The following JPH3 variants were observed in gnomAD, a reference collection of about 807,000 sequenced individuals.
The protein encoded by JPH3 is junctophilin 3.
JPH3 carries 11 observed loss-of-function variants against 59.6 expected under a neutral mutation model. The ratio of observed to expected loss-of-function variants is 0.18; its 90% CI spans 0.12 to 0.31. The LOEUF (loss-of-function observed/expected upper bound fraction) is 0.31, where lower values mean the gene tolerates loss of function less well. Ranked by LOEUF, JPH3 falls within the 10% of genes least tolerant of loss-of-function variation. JPH3 has a pLI of 1.00. For synonymous variants in JPH3, 673 were observed against 483.6 expected (o/e 1.39, Z -5.14); for missense variants, 1,202 against 1,105.7 (o/e 1.09, Z -1.24).
chr16:87,686,103 G>C (rs1213920825), intron 3 of JPH3, among the ~76,000 whole-genome samples: 1 of 152,222 alleles, frequency 6.6e-6, no homozygotes, highest in Non-Finnish European at 1.5e-5. Context: ...GAAGGAAGCA[G>C]CACTCCCGAC....
intron 1 of JPH3, among the ~76,000 whole-genome samples, chr16:87,636,433 T>C (rs2031749461): frequency 6.6e-6 from 1 of 152,134 alleles, no homozygotes; most frequent in African/African-American, 2.4e-5. Context: ...GCTCAATAGC[T>C]CCGTCACAGT....
chr16:87,698,103 T>C lies in JPH3; in HGVS notation c.*1443T>C, dbSNP rs1455025775. ...GACTTCTTTACTACACTGCACTGGATTGCTATATTTTTAACCAGAAATAAA... is the reference window on the plus strand; with the variant it reads ...GACTTCTTTACTACACTGCACTGGACTGCTATATTTTTAACCAGAAATAAA... On this transcript the variant is annotated 3_prime_UTR_variant, in exon 5 of 5. Coordinates refer to ENST00000284262, the MANE Select transcript of JPH3 (RefSeq NM_020655.4). The C allele has an allele frequency of 6.6e-6, 1 of 152,640 alleles. No individual in the cohort carries two copies. Among genetic ancestry groups the C allele is most frequent in the African/African-American group, 2.4e-5 (1 of 41,464 alleles). 9.5% of individuals were successfully genotyped at this position (152,640 alleles called of 1,614,324 possible).
At chr16:87,680,983 G>T (rs1464209979) in intron 2 of JPH3, among the ~76,000 whole-genome samples, 1 of 152,224 alleles carries the variant, frequency 6.6e-6, no homozygotes, top group African/African-American at 2.4e-5. Flanking sequence ...GTGTGGTGGG[G>T]GGCATTGTGG....
At chr16:87,628,526 G>C (rs888773565) in intron 1 of JPH3, among the ~76,000 whole-genome samples, 1 of 152,244 alleles carries the variant, frequency 6.6e-6, no homozygotes, top group Non-Finnish European at 1.5e-5. Context: ...TTCCTACAGA[G>C]TGTGGGTTTT....
At chr16:87,642,715 C>T (rs1214503712) in intron 1 of JPH3, among the ~76,000 whole-genome samples, 1 of 152,204 alleles carries the variant, frequency 6.6e-6, no homozygotes, top group African/African-American at 2.4e-5. Context: ...CCGCGTTGGG[C>T]GTCGTGCTGA....
intron 2 of JPH3, among the ~76,000 whole-genome samples, chr16:87,649,878 G>A (rs1296573785): frequency 3.3e-5 from 5 of 152,280 alleles, no homozygotes; most frequent in Admixed American, 6.5e-5. Flanking sequence ...CTGCAGCCCC[G>A]CAAAGCCTGC....
chr16:87,677,216 ACAC>A (rs2033169621), intron 2 of JPH3, among the ~76,000 whole-genome samples: 1 of 119,226 alleles, frequency 8.4e-6, no homozygotes, highest in African/African-American at 3.8e-5. Flanking sequence ...ACACACACAC[ACAC>A]ACACACAAAA....
At chr16:87,650,063 G>T (rs1490861720) in intron 2 of JPH3, among the ~76,000 whole-genome samples, 1 of 152,190 alleles carries the variant, frequency 6.6e-6, no homozygotes, top group Non-Finnish European at 1.5e-5. Context: ...AGGGGGTTTC[G>T]CTTCATTGTG....
At position 87,690,343 on chromosome 16, in the gene JPH3, C is replaced by G. The variant is rs758331700; in HGVS notation, c.1983C>G (p.Asn661Lys). 3 of 1,573,754 alleles carry G rather than the reference C, an allele frequency of 1.9e-6. No homozygotes were observed. The highest frequency in any genetic ancestry group is 2.3e-5 in the East Asian group (1 of 43,480). ...AGAGACTGCGGTCCAAGGCCCAGAA[C>G]AAGGAGAACTTCAGGCCGGCCTCCT... ...GVQRLRSKAQ[N>K]KENFRPASSA... The change falls in exon 4 of 5, where the codon AAC becomes AAG. Residue 661 changes from asparagine (N) to lysine (K), a missense_variant. Transcript: ENST00000284262.
chr16:87,692,837 G>C (rs2033635781), intron 4 of JPH3, among the ~76,000 whole-genome samples: 1 of 152,234 alleles, frequency 6.6e-6, no homozygotes, highest in Admixed American at 6.5e-5. Flanking sequence ...CTCGCCCACA[G>C]CGTCCGTACC....
intron 2 of JPH3, among the ~76,000 whole-genome samples, chr16:87,666,899 C>G (rs1020351677): frequency 6.6e-6 from 1 of 152,230 alleles, no homozygotes; most frequent in Non-Finnish European, 1.5e-5. Context: ...GGGCTGGGAT[C>G]TGAACCCAGG....
chr16:87,695,885 G>A (rs763909554), intron 4 of JPH3: 8 of 455,990 alleles, frequency 1.8e-5, no homozygotes, highest in African/African-American at 6.0e-5. Context: ...CAGGCTGTGC[G>A]GCTGAAGGGG....
At position 87,644,445 on chromosome 16, in the gene JPH3, C is replaced by A; in HGVS notation, c.570C>A (p.Ala190=). The A allele has an allele frequency of 1.2e-6, 2 of 1,612,410 alleles. No individual in the cohort carries two copies. The highest frequency in any genetic ancestry group is 1.7e-6 in the Non-Finnish European group (2 of 1,179,560). The part of the protein sequence containing the change: ...DASPAVAGSP[A]VSRGGFVLVA... Reference sequence around the variant, plus strand: ...CTCCGGCGGTGGCCGGCAGCCCGGCCGTGTCCCGCGGGGGCTTCGTGCTCG... The same window carrying A: ...CTCCGGCGGTGGCCGGCAGCCCGGCAGTGTCCCGCGGGGGCTTCGTGCTCG... The change falls in exon 2 of 5, where the codon GCC becomes GCA. Residue 190 remains alanine, a synonymous_variant. Transcript: ENST00000284262.
At chr16:87,628,233 G>A (rs1411016521) in intron 1 of JPH3, among the ~76,000 whole-genome samples, 2 of 152,258 alleles carry the variant, frequency 1.3e-5, no homozygotes, top group African/African-American at 2.4e-5. Context: ...CCTGGGAGAC[G>A]ATGGTGCTGG....
At chr16:87,614,248 C>T (rs1010853617) in intron 1 of JPH3, among the ~76,000 whole-genome samples, 7 of 141,054 alleles carry the variant, frequency 5.0e-5, no homozygotes, top group Admixed American at 2.8e-4. Flanking sequence ...AGGAGCTACA[C>T]GTCCCCTCCC....
chr16:87,612,900 C>T (rs1204853965), intron 1 of JPH3, among the ~76,000 whole-genome samples: 2 of 151,440 alleles, frequency 1.3e-5, no homozygotes, highest in Non-Finnish European at 2.9e-5. Context: ...CGGGCGGGCA[C>T]CTGTAGTCCC....
At chr16:87,604,990 TGTGC>T in intron 1 of JPH3, 1 of 451,786 alleles carries the variant, frequency 2.2e-6, no homozygotes, top group South Asian at 1.6e-5. Context: ...TGTGTGTGTG[TGTGC>T]GCGCGCGTGC....
rs747255705 is a variant in JPH3, at chr16:87,684,276, GC to G, written c.1285+12del. ...CAGCACCGGGAAAACGGTGAGTCTCGCCGGGCCTGATACTGGCATCGTGGGG... is the reference window on the plus strand; with the variant it reads ...CAGCACCGGGAAAACGGTGAGTCTCGCGGGCCTGATACTGGCATCGTGGGG... On this transcript the variant is annotated intron_variant, in intron 3 of 4. Transcript: ENST00000284262. The G allele has an allele frequency of 1.2e-6, 2 of 1,613,388 alleles. No homozygotes were observed. The highest frequency in any genetic ancestry group is 4.5e-5 in the East Asian group (2 of 44,856).
At chr16:87,692,732 C>T (rs2033630900) in intron 4 of JPH3, among the ~76,000 whole-genome samples, 2 of 152,344 alleles carry the variant, frequency 1.3e-5, no homozygotes, top group South Asian at 2.1e-4. Flanking sequence ...GGCTGTTTCC[C>T]TCTTGGTGAA....
Sources: gnomAD v4.1 joint callset for allele counts (sites outside exome capture counted in the v4.1 genomes callset) on GRCh38, gnomAD v4.1.1 for gene constraint, MANE v1.5 for transcripts, NCBI Gene and HGNC (gene_info 2026-07-23, HGNC 2026-07-21) for gene names.